Variants in DNAH8 observed in about 807,000 individuals in gnomAD.
DNAH8 encodes axonemal beta dynein heavy chain 8.
A neutral mutation model predicts 562.1 loss-of-function variants in DNAH8; 382 were observed. That is an observed-to-expected ratio of 0.68 (90% CI 0.63 to 0.74). DNAH8 has a LOEUF of 0.74. DNAH8 is among the 30% of genes least tolerant of loss of function. DNAH8 has a pLI of 0.00. For missense variants in DNAH8, 5,203 were observed against 5,620.4 expected (o/e 0.93, Z 2.37); for synonymous variants, 1,881 against 1,919.4 (o/e 0.98, Z 0.52).
chr6:38,844,697 A>T (rs1322102827), intron 35 of DNAH8, among the ~76,000 whole-genome samples: 1 of 152,190 alleles, frequency 6.6e-6, no homozygotes, highest in Non-Finnish European at 1.5e-5. Context: ...AGATACATCT[A>T]GTTGCTCAGC....
chr6:38,882,811 C>T (rs929110972), intron 53 of DNAH8, 99 bp from the exon 54 acceptor site: 13 of 751,412 alleles, frequency 1.7e-5, no homozygotes, highest in Middle Eastern at 4.3e-4. Context: ...AATGTTTATA[C>T]GATTCTATTG....
At chr6:38,850,480 AGTATT>A in intron 38 of DNAH8, 66 bp downstream of exon 38, 1 of 1,410,042 alleles carries the variant, frequency 7.1e-7, no homozygotes, top group Non-Finnish European at 9.8e-7. Flanking sequence ...CAAACTTACT[AGTATT>A]GACTACATTT....
At chr6:38,954,968 C>A (rs1237562417) in intron 82 of DNAH8, among the ~76,000 whole-genome samples, 1 of 152,018 alleles carries the variant, frequency 6.6e-6, no homozygotes, top group Non-Finnish European at 1.5e-5. Flanking sequence ...AAAGAGAATA[C>A]ATTTTCCTTT....
At chr6:38,894,413 G>A (rs1311622941) in intron 58 of DNAH8, among the ~76,000 whole-genome samples, 1 of 152,144 alleles carries the variant, frequency 6.6e-6, no homozygotes, top group Non-Finnish European at 1.5e-5. Context: ...TTCAGGGGAG[G>A]TGACTTGTTC....
intron 82 of DNAH8, among the ~76,000 whole-genome samples, chr6:38,954,774 T>C (rs554373680): frequency 6.6e-6 from 1 of 151,954 alleles, no homozygotes; most frequent in African/African-American, 2.4e-5. Flanking sequence ...TAGAAACATA[T>C]GAATTTAGAA....
At chr6:38,721,173 A>T (rs940869166) in intron 1 of DNAH8, among the ~76,000 whole-genome samples, 1 of 152,148 alleles carries the variant, frequency 6.6e-6, no homozygotes, top group African/African-American at 2.4e-5. Context: ...AAAATTAGGC[A>T]TGTATCGTGG....
intron 1 of DNAH8, among the ~76,000 whole-genome samples, chr6:38,717,425 G>A (rs1468520324): frequency 6.6e-6 from 1 of 152,078 alleles, no homozygotes; most frequent in African/African-American, 2.4e-5. Context: ...CTGGGCTCAA[G>A]CTATCTTCCC....
chr6:38,789,340 C>A (rs1769480110), intron 18 of DNAH8, among the ~76,000 whole-genome samples: 1 of 152,170 alleles, frequency 6.6e-6, no homozygotes, highest in African/African-American at 2.4e-5. Context: ...AATTGATCAT[C>A]ATGGATCATC....
At chr6:38,799,267 G>A (rs1770566035) in intron 21 of DNAH8, among the ~76,000 whole-genome samples, 1 of 151,794 alleles carries the variant, frequency 6.6e-6, no homozygotes. Context: ...TATGGAGAAA[G>A]TTTCCACCTC....
At chr6:38,742,354 A>G (rs949330236) in intron 8 of DNAH8, among the ~76,000 whole-genome samples, 2 of 151,890 alleles carry the variant, frequency 1.3e-5, no homozygotes, top group African/African-American at 2.4e-5. Context: ...GTGGGGTGCA[A>G]TGGTGTGTTC....
At chr6:38,880,288 T>G (rs1778372001) in intron 53 of DNAH8, among the ~76,000 whole-genome samples, 1 of 151,848 alleles carries the variant, frequency 6.6e-6, no homozygotes, top group African/African-American at 2.4e-5. Context: ...AAAGAATACT[T>G]AGGAATAAAT....
At chr6:38,792,700 C>T (rs1243174910) in intron 21 of DNAH8, among the ~76,000 whole-genome samples, 2 of 152,158 alleles carry the variant, frequency 1.3e-5, no homozygotes, top group East Asian at 1.9e-4. Flanking sequence ...AAGACAGGAA[C>T]CCTGTCTAAA....
At position 38,734,475 on chromosome 6, in the gene DNAH8, A is replaced by G. The variant is rs1274760969; in HGVS notation, c.612A>G (p.Glu204=). The change falls in exon 5 of 93, where the codon GAA becomes GAG. Residue 204 remains glutamate, a splice_region_variant and synonymous_variant. Transcript: ENST00000327475. ...TAAGTTCTTGACTTTTGTTTTCAGA[A>G]TGTGGTCGAACTATTGCTGGAGCAA... is the stretch of plus-strand genomic sequence containing the variant. ...LYQEGDVPGI[E]CGRTIAGATK... 1 of 1,613,484 alleles carries G rather than the reference A, an allele frequency of 6.2e-7. No homozygotes were observed. The highest frequency in any genetic ancestry group is 8.5e-7 in the Non-Finnish European group (1 of 1,179,876).
chr6:38,797,584 C>T lies in DNAH8; in HGVS notation c.2902-5595C>T, dbSNP rs111600532. Among the ~76,000 whole-genome samples, 465 of 152,206 alleles carry T rather than the reference C, an allele frequency of 3.1e-3. 6 individuals are homozygous for T. Among genetic ancestry groups the T allele is most frequent in the African/African-American group, 0.011 (453 of 41,534 alleles). On this transcript the variant is annotated intron_variant, in intron 21 of 92. Transcript: ENST00000327475. ...TTGTGACCAGCAGACCTTATCTATG[C>T]TTCCAATTCCAATTCCTTGTAAAAA...
At chr6:38,739,323 C>G (rs1225555679) in intron 7 of DNAH8, among the ~76,000 whole-genome samples, 1 of 152,122 alleles carries the variant, frequency 6.6e-6, no homozygotes, top group African/African-American at 2.4e-5. Flanking sequence ...ACCTAGCTAT[C>G]CCCAGTGACT....
intron 52 of DNAH8, 21 bp from the exon 53 acceptor site, chr6:38,875,570 T>C: frequency 7.3e-7 from 1 of 1,371,134 alleles, no homozygotes; most frequent in Non-Finnish European, 9.9e-7. Flanking sequence ...TAAAAATTTA[T>C]TTTATTTGAA....
chr6:38,968,660 T>C (rs769666617), intron 82 of DNAH8, among the ~76,000 whole-genome samples: 13 of 152,246 alleles, frequency 8.5e-5, no homozygotes, highest in Middle Eastern at 3.4e-3. Flanking sequence ...GTGGAAAAAT[T>C]AGAACATTCA....
At position 38,845,614 on chromosome 6, in the gene DNAH8, C is replaced by A; in HGVS notation, c.4886C>A (p.Ala1629Asp). ...ISAIKEKDIE[A>D]KLTQVIENWT... The stretch of plus-strand genomic sequence containing the variant: ...GCCATTAAGGAGAAGGATATCGAAG[C>A]CAAGCTGACTCAGGTGATTGAGAAT... The change falls in exon 36 of 93, where the codon GCC (alanine) becomes GAC (aspartate). Residue 1629 changes from alanine to aspartate, a missense_variant. Ala to Asp is a moderately radical substitution (Grantham distance 126). Transcript: ENST00000327475. 1 of 1,613,936 alleles carries A rather than the reference C, an allele frequency of 6.2e-7. No individual in the cohort carries two copies. Among genetic ancestry groups the A allele is most frequent in the East Asian group, 2.2e-5 (1 of 44,850 alleles).
At chr6:38,921,245 C>A in intron 70 of DNAH8, 124 bp from the exon 71 acceptor site, 1 of 1,125,384 alleles carries the variant, frequency 8.9e-7, no homozygotes, top group Non-Finnish European at 1.3e-6. Flanking sequence ...CAGCTGAAGA[C>A]ACGGAAACAG....
Sources: gnomAD v4.1 joint callset for allele counts (sites outside exome capture counted in the v4.1 genomes callset) on GRCh38, gnomAD v4.1.1 for gene constraint, MANE v1.5 for transcripts, NCBI Gene and HGNC (gene_info 2026-07-23, HGNC 2026-07-21) for gene names.